Variants in WARS2 observed in about 807,000 individuals in gnomAD.
WARS2 encodes the protein tryptophanyl tRNA synthetase 2, mitochondrial, also known as tryptophan--tRNA ligase, mitochondrial.
In WARS2, 28 loss-of-function variants were observed where a neutral mutation model predicts 36.5. The observed-to-expected ratio is 0.77, with a 90% CI of 0.57 to 1.05. The LOEUF (loss-of-function observed/expected upper bound fraction) is 1.05. Ranked by LOEUF, WARS2 falls within the 50% of genes least tolerant of loss-of-function variation. The probability of loss-of-function intolerance (pLI) is 0.00; values close to 1 mark genes in which losing one functional copy is unlikely to be tolerated. For synonymous variants in WARS2, 174 were observed against 178.4 expected, an observed-to-expected ratio of 0.98 and a Z score of 0.20; for missense variants, 435 against 456.8, an observed-to-expected ratio of 0.95 and a Z score of 0.44.
intron 4 of WARS2, among the ~76,000 whole-genome samples, chr1:119,035,246 A>G (rs1007530961): frequency 6.6e-6 from 1 of 152,188 alleles, no homozygotes; most frequent in Non-Finnish European, 1.5e-5. Flanking sequence ...GCAATTTTAT[A>G]CATGCAATGC....
chr1:119,127,233 T>G, intron 1 of WARS2: 1 of 761,288 alleles, frequency 1.3e-6, no homozygotes, highest in South Asian at 1.4e-5. Flanking sequence ...ATCGACCACT[T>G]TCTTCTTGGC....
At chr1:119,067,459 A>G (rs1348118865) in intron 2 of WARS2, among the ~76,000 whole-genome samples, 1 of 152,228 alleles carries the variant, frequency 6.6e-6, no homozygotes, top group Non-Finnish European at 1.5e-5. Context: ...TGTTTCAAAT[A>G]TTTCTTAAAA....
chr1:119,048,513 C>T (rs1412598966), intron 2 of WARS2, among the ~76,000 whole-genome samples: 1 of 152,108 alleles, frequency 6.6e-6, no homozygotes, highest in Non-Finnish European at 1.5e-5. Flanking sequence ...TCCCGTACGC[C>T]CTTAACCCAG....
rs776688881 is a variant in WARS2 at position 119,076,306 on chromosome 1, A to T, written c.348+44T>A. ...CCATTCAACATTTTTTCCTCAAATA[A>T]TCTACACATAAGAGTTTTCTCAGTT... is the stretch of plus-strand genomic sequence containing the variant. On this transcript the variant is annotated intron_variant, in intron 2 of 5. Coordinates refer to ENST00000235521, the MANE Select transcript of WARS2 (RefSeq NM_015836.4). 2.5e-6 allele frequency: 4 copies of T among 1,599,140 alleles called. No individual in the cohort carries two copies. The African/African-American group carries it at 5.4e-5, about 22-fold the overall frequency.
intron 1 of WARS2, among the ~76,000 whole-genome samples, chr1:119,103,468 A>G (rs587753278): frequency 1.3e-5 from 2 of 152,290 alleles, no homozygotes; most frequent in Admixed American, 1.3e-4. Context: ...CTAGTAGTTA[A>G]TAATATACTA....
At chr1:119,100,911 T>A (rs748243904) in intron 1 of WARS2, among the ~76,000 whole-genome samples, 3 of 152,202 alleles carry the variant, frequency 2.0e-5, no homozygotes, top group Non-Finnish European at 4.4e-5. Context: ...GTGCTGGGAC[T>A]ATAGGCTTGA....
intron 2 of WARS2, among the ~76,000 whole-genome samples, chr1:119,070,859 C>T (rs1368231253): frequency 6.6e-6 from 1 of 152,068 alleles, no homozygotes; most frequent in East Asian, 1.9e-4. Context: ...ACAGATTGAT[C>T]ACCTCACACT....
At chr1:119,140,381 T>G in intron 1 of WARS2, 174 bp downstream of exon 1, 1 of 484,174 alleles carries the variant, frequency 2.1e-6, no homozygotes, top group Non-Finnish European at 3.5e-6. Flanking sequence ...TCACGTATCC[T>G]TGCAACGTCA....
intron 2 of WARS2, among the ~76,000 whole-genome samples, chr1:119,059,245 T>C (rs1214077406): frequency 6.6e-6 from 1 of 151,948 alleles, no homozygotes; most frequent in Non-Finnish European, 1.5e-5. Context: ...TTTTCTCCCA[T>C]TTTGTAGGTT....
intron 2 of WARS2, among the ~76,000 whole-genome samples, chr1:119,070,009 C>T (rs10923743): frequency 0.47 from 71,417 of 151,848 alleles, 18,046 homozygotes; most frequent in African/African-American, 0.65. Flanking sequence ...AGGGGAAAAC[C>T]GTAAAAGCCC....
chr1:119,089,092 G>T (rs186363673), intron 1 of WARS2, among the ~76,000 whole-genome samples: 1 of 152,248 alleles, frequency 6.6e-6, no homozygotes, highest in East Asian at 1.9e-4. Context: ...CAAGTGTTCT[G>T]AACCTTTGAG....
At chr1:119,111,179 G>A (rs1221390423) in intron 1 of WARS2, among the ~76,000 whole-genome samples, 2 of 152,024 alleles carry the variant, frequency 1.3e-5, no homozygotes, top group Non-Finnish European at 2.9e-5. Flanking sequence ...TTTTTTACTG[G>A]TTAGTATGTC....
chr1:119,033,599 T>A (rs1304813667), intron 5 of WARS2, among the ~76,000 whole-genome samples: 1 of 152,236 alleles, frequency 6.6e-6, no homozygotes, highest in Admixed American at 6.5e-5. Flanking sequence ...CAATACTTTA[T>A]TATAAAATAG....
intron 1 of WARS2, among the ~76,000 whole-genome samples, chr1:119,116,323 A>G (rs1269401736): frequency 6.6e-6 from 1 of 152,220 alleles, no homozygotes; most frequent in Non-Finnish European, 1.5e-5. Context: ...TAAAACAAAG[A>G]TAAGTCAACT....
In WARS2 at chr1:119,100,927, C is replaced by T. The variant is rs777758534; in HGVS notation, c.91-24320G>A. On this transcript the variant is annotated intron_variant, in intron 1 of 5. Transcript: ENST00000235521. Reference sequence around the variant, plus strand: ...TGCTGGGACTATAGGCTTGAGCCACCGTCCCTGGCAAGTGAAATAAGCCAG... The same window carrying T: ...TGCTGGGACTATAGGCTTGAGCCACTGTCCCTGGCAAGTGAAATAAGCCAG... 2.7e-4 allele frequency among the ~76,000 whole-genome samples: 41 copies of T among 152,162 alleles called. 1 individual carries two copies. Among genetic ancestry groups the T allele is most frequent in the South Asian group, 8.3e-4 (4 of 4,822 alleles).
intron 1 of WARS2, among the ~76,000 whole-genome samples, chr1:119,105,872 T>C (rs1012492504): frequency 6.6e-6 from 1 of 152,124 alleles, no homozygotes; most frequent in Admixed American, 6.5e-5. Context: ...ACTGAGCCAC[T>C]GCACTCCAGC....
At chr1:119,089,097 T>G (rs764838803) in intron 1 of WARS2, among the ~76,000 whole-genome samples, 23 of 152,350 alleles carry the variant, frequency 1.5e-4, no homozygotes, top group Middle Eastern at 3.4e-3. Flanking sequence ...GTTCTGAACC[T>G]TTGAGAGACA....
intron 1 of WARS2, among the ~76,000 whole-genome samples, chr1:119,116,230 G>T (rs1654961313): frequency 6.6e-6 from 1 of 152,178 alleles, no homozygotes; most frequent in African/African-American, 2.4e-5. Context: ...AGTAAGTATA[G>T]TTAGTAAGTG....
At chr1:119,131,902 T>TG (rs766545222) in intron 1 of WARS2, among the ~76,000 whole-genome samples, 3 of 150,292 alleles carry the variant, frequency 2.0e-5, no homozygotes, top group East Asian at 1.9e-4. Context: ...GGGGGTGTGG[T>TG]GGGGGGCGGG....
Sources: gnomAD v4.1 joint callset for allele counts (sites outside exome capture counted in the v4.1 genomes callset) on GRCh38, gnomAD v4.1.1 for gene constraint, MANE v1.5 for transcripts, NCBI Gene and HGNC (gene_info 2026-07-23, HGNC 2026-07-21) for gene names.